The following PRH1 variants were observed in gnomAD, a reference collection of about 807,000 sequenced individuals.
PRH1 encodes salivary acidic proline-rich phosphoprotein 1/2.
PRH1 carries 7 observed loss-of-function variants against 7.9 expected under a neutral mutation model. The ratio of observed to expected loss-of-function variants is 0.89; its 90% CI spans 0.50 to 1.67. The LOEUF (loss-of-function observed/expected upper bound fraction) is 1.67, where lower values mean the gene tolerates loss of function less well. Among genes scored for constraint, PRH1 ranks in the 40% most tolerant of loss-of-function variants. The probability of loss-of-function intolerance (pLI) is 0.00; values close to 1 mark genes in which losing one functional copy is unlikely to be tolerated. For synonymous variants in PRH1, 45 were observed against 80.8 expected (o/e 0.56, Z 2.38); for missense variants, 109 against 223.6 (o/e 0.49, Z 3.27).
At chr12:11,129,497 C>T (rs1351717779) in intron 1 of PRH1, among the ~76,000 whole-genome samples, 1 of 152,302 alleles carries the variant, frequency 6.6e-6, no homozygotes, top group East Asian at 1.9e-4. Context: ...CATGACAAAA[C>T]ACCTGAAAGT....
At chr12:10,999,078 G>A (rs1430819966) in intron 1 of PRH1, among the ~76,000 whole-genome samples, 1 of 151,948 alleles carries the variant, frequency 6.6e-6, no homozygotes, top group Non-Finnish European at 1.5e-5. Flanking sequence ...CAAATCACCA[G>A]AGCCATCCAC....
intron 1 of PRH1, among the ~76,000 whole-genome samples, chr12:11,056,682 G>A (rs1438732556): frequency 1.3e-5 from 2 of 152,232 alleles, no homozygotes; most frequent in East Asian, 3.9e-4. Context: ...GCCAGGTGTG[G>A]TGGTGCCCGT....
chr12:10,997,265 T>C (rs1467224667), intron 1 of PRH1: 3 of 1,614,092 alleles, frequency 1.9e-6, no homozygotes, highest in African/African-American at 2.7e-5. Flanking sequence ...CTTCAGATGT[T>C]TACACAGAGA....
intron 1 of PRH1, among the ~76,000 whole-genome samples, chr12:11,085,395 C>A: frequency 9.4e-6 from 1 of 105,958 alleles, no homozygotes. Context: ...CAAATTCTAC[C>A]ATTACTGTTA....
At chr12:10,898,735 C>T (rs1295915919) in intron 2 of PRH1, among the ~76,000 whole-genome samples, 1 of 152,128 alleles carries the variant, frequency 6.6e-6, no homozygotes, top group Non-Finnish European at 1.5e-5. Context: ...TAGGGAAGGA[C>T]TCATTGAGAA....
intron 1 of PRH1, among the ~76,000 whole-genome samples, chr12:11,113,715 G>T (rs1438887550): frequency 6.6e-6 from 1 of 152,098 alleles, no homozygotes; most frequent in Non-Finnish European, 1.5e-5. Flanking sequence ...ATGTACAAAT[G>T]GAATCTAATT....
chr12:11,048,583 A>G, upstream of PRH1: 1 of 583,364 alleles, frequency 1.7e-6, no homozygotes, highest in South Asian at 2.0e-5. Flanking sequence ...CAAAGCTTTT[A>G]TGTGCACCTT....
At chr12:10,916,978 A>C (rs1949980954) in intron 2 of PRH1, among the ~76,000 whole-genome samples, 1 of 151,864 alleles carries the variant, frequency 6.6e-6, no homozygotes, top group South Asian at 2.1e-4. Flanking sequence ...TAGAAGGCTG[A>C]GATGGAAGGA....
chr12:11,091,288 C>G, intron 1 of PRH1: 2 of 1,188,970 alleles, frequency 1.7e-6, no homozygotes, highest in Non-Finnish European at 2.4e-6. Flanking sequence ...ACACAATGCC[C>G]CTCTCGTGAA....
intron 1 of PRH1, among the ~76,000 whole-genome samples, chr12:11,010,768 T>A (rs1284212376): frequency 6.6e-6 from 1 of 151,900 alleles, no homozygotes; most frequent in Admixed American, 6.6e-5. Context: ...TCTATTATAA[T>A]TCAGAATGTA....
intron 1 of PRH1, among the ~76,000 whole-genome samples, chr12:11,138,265 ATT>A (rs1857060215): frequency 6.6e-6 from 1 of 152,136 alleles, no homozygotes; most frequent in Non-Finnish European, 1.5e-5. Flanking sequence ...GCTTTTTCAC[ATT>A]CTTAGCTATG....
rs754464342 is a variant in PRH1, at chr12:11,030,429, C to T, written c.-126+16591G>A. 19 of 1,614,140 alleles carry T rather than the reference C, an allele frequency of 1.2e-5. 1 individual carries two copies. In the South Asian group the frequency reaches 2.0e-4, roughly 17 times the overall value. On this transcript the variant is annotated intron_variant, in intron 1 of 3. Transcript: ENST00000539853. The stretch of plus-strand genomic sequence containing the variant: ...ATCTATGGAGATGAAGGCTTCTCTC[C>T]TTTCACCCAGTACCTCACTTGCCGC...
chr12:11,126,287 C>T (rs1021463513), intron 1 of PRH1, among the ~76,000 whole-genome samples: 6 of 152,036 alleles, frequency 3.9e-5, no homozygotes, highest in African/African-American at 7.2e-5. Flanking sequence ...TTTAGAATTT[C>T]GACAACAATG....
upstream of PRH1, chr12:11,048,622 T>C (rs1362438632): frequency 2.0e-5 from 12 of 609,714 alleles, no homozygotes; most frequent in Non-Finnish European, 3.1e-6. Context: ...TCCTTTGCCA[T>C]GGAGCTGCAT....
intron 1 of PRH1, among the ~76,000 whole-genome samples, chr12:11,131,601 C>A (rs1946344226): frequency 6.6e-6 from 1 of 152,174 alleles, no homozygotes; most frequent in African/African-American, 2.4e-5. Context: ...AGACCAAAGT[C>A]TTTTATATGC....
intron 1 of PRH1, among the ~76,000 whole-genome samples, chr12:11,038,239 T>G (rs1176290034): frequency 6.6e-6 from 1 of 152,210 alleles, no homozygotes; most frequent in Non-Finnish European, 1.5e-5. Flanking sequence ...AACATACACA[T>G]AGAGAGTAAT....
chr12:11,131,043 T>G (rs1565684846), intron 1 of PRH1, among the ~76,000 whole-genome samples: 1 of 132,122 alleles, frequency 7.6e-6, no homozygotes, highest in South Asian at 2.5e-4. Context: ...ATCACCACAC[T>G]GTGGGCATGA....
At chr12:11,151,293 G>A (rs1947073643) in intron 1 of PRH1, among the ~76,000 whole-genome samples, 2 of 149,562 alleles carry the variant, frequency 1.3e-5, no homozygotes, top group African/African-American at 4.9e-5. Context: ...TTTTCAATGT[G>A]CCCTGCTTAT....
At chr12:11,126,556 G>C (rs905298528) in intron 1 of PRH1, among the ~76,000 whole-genome samples, 16 of 152,070 alleles carry the variant, frequency 1.1e-4, no homozygotes, top group African/African-American at 3.9e-4. Flanking sequence ...GTCAACTTTA[G>C]CAATTAAAAC....
Sources: gnomAD v4.1 joint callset for allele counts (sites outside exome capture counted in the v4.1 genomes callset) on GRCh38, gnomAD v4.1.1 for gene constraint, MANE v1.5 for transcripts, NCBI Gene and HGNC (gene_info 2026-07-23, HGNC 2026-07-21) for gene names.